Variants in HCN4 observed in about 807,000 individuals in gnomAD.
HCN4 encodes potassium/sodium hyperpolarization-activated cyclic nucleotide-gated channel 4.
In HCN4, 29 loss-of-function variants were observed where a neutral mutation model predicts 76.9. That is an observed-to-expected ratio of 0.38 (90% CI 0.28 to 0.51). The LOEUF (loss-of-function observed/expected upper bound fraction) is 0.51, where lower values mean the gene tolerates loss of function less well. Ranked by LOEUF, HCN4 falls within the 20% of genes least tolerant of loss-of-function variation. The pLI is 0.90. For synonymous variants in HCN4, 772 were observed against 762.5 expected (o/e 1.01, Z -0.21); for missense variants, 1,416 against 1,715.2 (o/e 0.83, Z 3.08).
At position 73,367,923 on chromosome 15, in the gene HCN4, G is replaced by T; in HGVS notation, c.348C>A (p.Gly116=). ...AGTCATGCAGGTGTCCGTGACTGCT[G>T]CCGCTCCCCGTGCCGCCGCTGCCGC... ...RGGGSGGTGS[G]SSHGHLHDSA... The change falls in exon 1 of 8, where the codon GGC becomes GGA. Residue 116 remains glycine (G), a synonymous_variant. Coordinates refer to ENST00000261917, the MANE Select transcript of HCN4 (RefSeq NM_005477.3). This position sits in a 1 kb window ranked among gnomAD's most constrained non-coding sequence, Gnocchi z 7.5. 7.3e-7 allele frequency: 1 copy of T among 1,374,186 alleles called. No individual in the cohort carries two copies. The allele number at this position is 1,374,186 out of a possible 1,614,324, so 85.1% of individuals were successfully genotyped here.
rs2043000482 is a variant in HCN4 at position 73,341,197 on chromosome 15, G to C, written c.1209+2188C>G. ...CTTGTTGCCCAGGCTGGAGTACAGT[G>C]GTGCGATCTTGGCTCACTCTGCAAC... is the stretch of plus-strand genomic sequence containing the variant. On this transcript the variant is annotated intron_variant, in intron 2 of 7. Transcript: ENST00000261917. 4.0e-5 allele frequency: 6 copies of C among 151,838 alleles called. No homozygotes were observed. The South Asian group carries it at 1.2e-3, about 32-fold the overall frequency. The allele number at this position is 151,838 out of a possible 1,614,324, so 9.4% of individuals were successfully genotyped here.
intron 1 of HCN4, among the ~76,000 whole-genome samples, chr15:73,364,758 C>T (rs2043121148): frequency 6.6e-6 from 1 of 152,114 alleles, no homozygotes; most frequent in Non-Finnish European, 1.5e-5. Flanking sequence ...AGAGGTAGCC[C>T]AGAAAAGCCT....
chr15:73,334,189 G>C (rs1360401966), intron 2 of HCN4, among the ~76,000 whole-genome samples: 1 of 152,154 alleles, frequency 6.6e-6, no homozygotes, highest in African/African-American at 2.4e-5. Flanking sequence ...CAGCTCTGGG[G>C]CTGTCAGCGT....
At position 73,343,811 on chromosome 15, in the gene HCN4, G is replaced by A; in HGVS notation, c.786-3C>T. On this transcript the variant is annotated splice_region_variant and splice_polypyrimidine_tract_variant and intron_variant, in intron 1 of 7. Transcript: ENST00000261917. This position sits in a 1 kb window ranked among gnomAD's most constrained non-coding sequence, Gnocchi z 5.7. Reference sequence around the variant, plus strand: ...GCATGGTCAGGTCCCAGTAAAATCTGCCCAGAGACACAGGGGTCAGTCGCC... The same window carrying A: ...GCATGGTCAGGTCCCAGTAAAATCTACCCAGAGACACAGGGGTCAGTCGCC... 1 of 1,613,862 alleles carries A rather than the reference G, an allele frequency of 6.2e-7. No individual in the cohort carries two copies. Among genetic ancestry groups the A allele is most frequent in the Non-Finnish European group, 8.5e-7 (1 of 1,180,030 alleles).
intron 2 of HCN4, among the ~76,000 whole-genome samples, chr15:73,337,481 G>T (rs2042973880): frequency 6.6e-6 from 1 of 152,194 alleles, no homozygotes; most frequent in Admixed American, 6.5e-5. Flanking sequence ...CTGCTCCTTT[G>T]GACAGATCAC....
chr15:73,353,271 C>T lies in HCN4; in HGVS notation c.786-9463G>A, dbSNP rs533748056. ...TCATCTACCTTTAAACAATGGCCAG[C>T]GCCCTGTGCTGTAAGGGGTCCTCTA... is the stretch of plus-strand genomic sequence containing the variant. On this transcript the variant is annotated intron_variant, in intron 1 of 7. Transcript: ENST00000261917. Among the ~76,000 whole-genome samples the T allele has an allele frequency of 7.2e-5, 11 of 152,288 alleles. No homozygotes were observed. In the East Asian group the frequency reaches 1.2e-3, roughly 16 times the overall value.
chr15:73,329,502 G>T, intron 4 of HCN4, 71 bp downstream of exon 4: 1 of 1,458,448 alleles, frequency 6.9e-7, no homozygotes, highest in Non-Finnish European at 9.6e-7. Flanking sequence ...CCTGCTGGGG[G>T]CCCACTGGCT....
At chr15:73,366,902 AC>A (rs2043130669) in intron 1 of HCN4, among the ~76,000 whole-genome samples, 1 of 152,224 alleles carries the variant, frequency 6.6e-6, no homozygotes, top group Non-Finnish European at 1.5e-5. Flanking sequence ...CTCTTGGCCC[AC>A]CACTCAGCAT....
chr15:73,348,762 C>G lies in HCN4; in HGVS notation c.786-4954G>C, dbSNP rs978131794. ...TGACTGTAGCCCGTGGGTCTCCACGCTTTCTCCCAGGTGAGCAGCACACTC... is the reference window on the plus strand; with the variant it reads ...TGACTGTAGCCCGTGGGTCTCCACGGTTTCTCCCAGGTGAGCAGCACACTC... On this transcript the variant is annotated intron_variant, in intron 1 of 7. Transcript: ENST00000261917. Among the ~76,000 whole-genome samples the G allele has an allele frequency of 2.0e-5, 3 of 152,318 alleles. No individual in the cohort carries two copies. In the East Asian group the frequency reaches 5.8e-4, roughly 29 times the overall value.
intron 3 of HCN4, among the ~76,000 whole-genome samples, chr15:73,330,739 T>G (rs1392552157): frequency 6.6e-6 from 1 of 152,222 alleles, no homozygotes; most frequent in African/African-American, 2.4e-5. Flanking sequence ...TCGAGCCATA[T>G]TCAAGGTCAG....
At chr15:73,352,704 C>A (rs138809682) in intron 1 of HCN4, among the ~76,000 whole-genome samples, 1 of 152,304 alleles carries the variant, frequency 6.6e-6, no homozygotes, top group Non-Finnish European at 1.5e-5. Context: ...CCTTGGCCCT[C>A]CTCTACCCCA....
At chr15:73,356,633 C>G (rs141229718) in intron 1 of HCN4, among the ~76,000 whole-genome samples, 39 of 152,090 alleles carry the variant, frequency 2.6e-4, no homozygotes, top group African/African-American at 8.0e-4. Context: ...TACACCACCC[C>G]TTTTTGATGG....
At chr15:73,363,499 G>C (rs1321049541) in intron 1 of HCN4, among the ~76,000 whole-genome samples, 1 of 152,202 alleles carries the variant, frequency 6.6e-6, no homozygotes, top group Admixed American at 6.5e-5. Context: ...CCAGGCCCAG[G>C]CTCTCTTCTG....
chr15:73,361,467 G>A (rs539485922), intron 1 of HCN4, among the ~76,000 whole-genome samples: 4 of 152,342 alleles, frequency 2.6e-5, no homozygotes, highest in East Asian at 1.9e-4. Context: ...TCCCCTGGGC[G>A]AAAGCAAGAC....
rs746535286 is a variant in HCN4, at chr15:73,368,283, C to T, written c.-13G>A. On this transcript the variant is annotated 5_prime_UTR_variant, in exon 1 of 8. Transcript: ENST00000261917. This position sits in a 1 kb window ranked among gnomAD's most constrained non-coding sequence, Gnocchi z 6.9. Reference sequence around the variant, plus strand: ...GCAGCTTGTCCATGGCGCCAGGGGCCGGGGTCGGACCGGGCCGGGGGCAGG... The same window carrying T: ...GCAGCTTGTCCATGGCGCCAGGGGCTGGGGTCGGACCGGGCCGGGGGCAGG... The T allele has an allele frequency of 6.1e-6, 9 of 1,477,036 alleles. No homozygotes were observed. The South Asian group carries it at 7.7e-5, about 13-fold the overall frequency. The allele number at this position is 1,477,036 out of a possible 1,614,324, so 91.5% of individuals were successfully genotyped here.
rs1368233247 is a variant in HCN4 at position 73,361,326 on chromosome 15, G to C, written c.785+6160C>G. On this transcript the variant is annotated intron_variant, in intron 1 of 7. Coordinates refer to ENST00000261917, the MANE Select transcript of HCN4 (RefSeq NM_005477.3). ...TGGCTTCCTAGCCCTTGGGACTGCA[G>C]ACTTCTAGGGCCCTGGCAATGCCTC... Among the ~76,000 whole-genome samples, 3 of 152,200 alleles carry C rather than the reference G, an allele frequency of 2.0e-5. No homozygotes were observed. In the East Asian group the frequency reaches 5.8e-4, roughly 29 times the overall value.
intron 1 of HCN4, among the ~76,000 whole-genome samples, chr15:73,348,984 A>G (rs1479821006): frequency 6.6e-6 from 1 of 152,082 alleles, no homozygotes; most frequent in African/African-American, 2.4e-5. Context: ...CATTTCAATA[A>G]TCTAGGCTCA....
intron 1 of HCN4, among the ~76,000 whole-genome samples, chr15:73,347,656 C>T (rs1414494899): frequency 6.6e-6 from 1 of 152,198 alleles, no homozygotes; most frequent in African/African-American, 2.4e-5. Flanking sequence ...CCAATGCTCC[C>T]TTATCATCTG....
At chr15:73,357,681 C>T (rs1236015849) in intron 1 of HCN4, among the ~76,000 whole-genome samples, 1 of 152,106 alleles carries the variant, frequency 6.6e-6, no homozygotes, top group Admixed American at 6.5e-5. Context: ...CCTCCATCCA[C>T]GGAGGCCATG....
Sources: allele counts gnomAD v4.1 joint callset (sites outside exome capture counted in the v4.1 genomes callset), GRCh38; gene constraint gnomAD v4.1.1; non-coding constraint Gnocchi (gnomAD v3.1); transcripts MANE v1.5; gene names NCBI Gene and HGNC (gene_info 2026-07-23, HGNC 2026-07-21).